The following SEL1L variants were observed in gnomAD, a reference collection of about 807,000 sequenced individuals.
SEL1L encodes SEL1L adaptor subunit of SYVN1 ubiquitin ligase, also known as protein sel-1 homolog 1.
A neutral mutation model predicts 109.8 loss-of-function variants in SEL1L; 52 were observed. The observed-to-expected ratio is 0.47, with a 90% CI of 0.38 to 0.60. The LOEUF (loss-of-function observed/expected upper bound fraction) is 0.60, where lower values mean the gene tolerates loss of function less well. SEL1L is among the 20% of genes least tolerant of loss of function. The pLI, the probability that SEL1L is intolerant of heterozygous loss-of-function variation, is 0.00. For synonymous variants in SEL1L, 373 were observed against 339.6 expected (o/e 1.10, Z -1.08); for missense variants, 749 against 962.2 (o/e 0.78, Z 2.93).
intron 1 of SEL1L, among the ~76,000 whole-genome samples, chr14:81,529,748 C>T (rs1411578846): frequency 6.6e-6 from 1 of 152,184 alleles, no homozygotes; most frequent in East Asian, 1.9e-4. Context: ...AAGCCTACTC[C>T]AGATGGTAGT....
At position 81,526,995 on chromosome 14, in the gene SEL1L, C is replaced by T. The variant is rs747107385; in HGVS notation, c.109-31G>A. ...AATATAAAGTATTTTTAGTTATCAACAATGCCAAGACTTTCCCCAACCCTA... is the reference window on the plus strand; with the variant it reads ...AATATAAAGTATTTTTAGTTATCAATAATGCCAAGACTTTCCCCAACCCTA... On this transcript the variant is annotated intron_variant, in intron 2 of 20. Transcript: ENST00000336735. 12 of 1,514,842 alleles carry T rather than the reference C, an allele frequency of 7.9e-6. No homozygotes were observed. In the South Asian group the frequency reaches 1.4e-4, roughly 17 times the overall value. 93.8% of individuals were successfully genotyped at this position (1,514,842 alleles called of 1,614,324 possible). A position where few individuals can be genotyped will look rare whatever the true frequency, so the allele number is the denominator to read the frequency against.
intron 17 of SEL1L, 92 bp from the exon 18 acceptor site, chr14:81,485,838 A>G (rs1437990800): frequency 2.7e-5 from 27 of 991,154 alleles, no homozygotes; most frequent in South Asian, 2.1e-4. Flanking sequence ...TAGGTGAAGC[A>G]TAAGTTAAAC....
At chr14:81,520,153 CCATATATATGCAATTTATGT>C (rs1884852863) in intron 3 of SEL1L, among the ~76,000 whole-genome samples, 1 of 151,882 alleles carries the variant, frequency 6.6e-6, no homozygotes, top group Non-Finnish European at 1.5e-5. Context: ...GTACACAGAG[CCATATATATGCAATTTATGT>C]CATATATATG....
At chr14:81,486,597 T>G in intron 16 of SEL1L, 143 bp from the exon 17 acceptor site, 2 of 684,142 alleles carry the variant, frequency 2.9e-6, no homozygotes, top group Non-Finnish European at 4.7e-6. Flanking sequence ...CATAAAAGTT[T>G]GAGATACTTA....
intron 3 of SEL1L, among the ~76,000 whole-genome samples, chr14:81,519,848 G>A (rs1370640100): frequency 6.6e-6 from 1 of 152,194 alleles, no homozygotes; most frequent in East Asian, 1.9e-4. Flanking sequence ...TCTGTACAAA[G>A]GCCCAGGGGC....
At chr14:81,514,517 G>A (rs1388896627) in intron 3 of SEL1L, among the ~76,000 whole-genome samples, 6 of 152,208 alleles carry the variant, frequency 3.9e-5, no homozygotes, top group East Asian at 1.9e-4. Context: ...GGTCTAGGAG[G>A]ACAGACAAGA....
chr14:81,504,742 G>A (rs911263388), intron 4 of SEL1L, among the ~76,000 whole-genome samples: 2 of 151,944 alleles, frequency 1.3e-5, no homozygotes, highest in African/African-American at 4.8e-5. Context: ...TAGATCATAG[G>A]GGTGGTTTTT....
chr14:81,472,475 T>C lies in SEL1L; in HGVS notation c.*4497A>G, dbSNP rs1027815509. Reference sequence around the variant, plus strand: ...CACTTCCAATTGCACTTTGTGTACATGTTCACTCTTGATTTAATATTTTTT... The same window carrying C: ...CACTTCCAATTGCACTTTGTGTACACGTTCACTCTTGATTTAATATTTTTT... On this transcript the variant is annotated 3_prime_UTR_variant, in exon 21 of 21. Transcript: ENST00000336735. 3 of 276,456 alleles carry C rather than the reference T, an allele frequency of 1.1e-5. No individual in the cohort carries two copies. The highest frequency in any genetic ancestry group is 6.9e-5 in the African/African-American group (3 of 43,466). 17.1% of individuals were successfully genotyped at this position (276,456 alleles called of 1,614,324 possible).
At chr14:81,516,189 G>A (rs566412031) in intron 3 of SEL1L, among the ~76,000 whole-genome samples, 8 of 152,266 alleles carry the variant, frequency 5.3e-5, no homozygotes, top group South Asian at 2.1e-4. Context: ...CAGGCCAAGC[G>A]CCAGCTCACG....
intron 3 of SEL1L, among the ~76,000 whole-genome samples, chr14:81,523,180 A>C (rs975366848): frequency 6.6e-6 from 1 of 152,218 alleles, no homozygotes; most frequent in Non-Finnish European, 1.5e-5. Context: ...CTTGGTTGCC[A>C]GGGAAACCAA....
intron 6 of SEL1L, among the ~76,000 whole-genome samples, chr14:81,502,279 T>C (rs954528032): frequency 4.6e-5 from 7 of 152,296 alleles, no homozygotes; most frequent in Non-Finnish European, 7.4e-5. Flanking sequence ...GTGGTACATA[T>C]GTGATGTGTA....
At chr14:81,517,017 C>A (rs1360604003) in intron 3 of SEL1L, among the ~76,000 whole-genome samples, 4 of 152,164 alleles carry the variant, frequency 2.6e-5, no homozygotes, top group Non-Finnish European at 4.4e-5. Flanking sequence ...TTCCCTGACA[C>A]AGATGCATTA....
chr14:81,531,590 A>G (rs779089100), intron 1 of SEL1L, among the ~76,000 whole-genome samples: 21 of 151,534 alleles, frequency 1.4e-4, no homozygotes, highest in Non-Finnish European at 2.9e-4. Context: ...GTCTCGCTCT[A>G]TTGTCCAGGC....
chr14:81,523,751 T>C (rs1034173222), intron 3 of SEL1L, among the ~76,000 whole-genome samples: 1 of 152,200 alleles, frequency 6.6e-6, no homozygotes, highest in African/African-American at 2.4e-5. Context: ...AGAATTGAAT[T>C]AAATCAGCAG....
Position 81,482,281 on chromosome 14 carries a change from T to C in SEL1L, c.2046+1944A>G, listed in dbSNP as rs1429912396. 2.6e-5 allele frequency among the ~76,000 whole-genome samples: 4 copies of C among 152,220 alleles called. No individual in the cohort carries two copies. In the East Asian group the frequency reaches 5.8e-4, roughly 22 times the overall value. ...TTATAAAAACAGATTAGTTATATCA[T>C]TTTAATTTTGACTACAGTCAGTAAA... On this transcript the variant is annotated intron_variant, in intron 19 of 20. Coordinates refer to ENST00000336735, the MANE Select transcript of SEL1L (RefSeq NM_005065.6).
At chr14:81,490,325 A>C (rs1028783773) in intron 13 of SEL1L, 63 bp downstream of exon 13, 2 of 1,259,932 alleles carry the variant, frequency 1.6e-6, no homozygotes, top group African/African-American at 3.0e-5. Flanking sequence ...TAATATAACA[A>C]ATTCATTTAT....
At chr14:81,479,108 T>C (rs1311049985) in intron 20 of SEL1L, among the ~76,000 whole-genome samples, 2 of 152,206 alleles carry the variant, frequency 1.3e-5, no homozygotes, top group African/African-American at 2.4e-5. Context: ...ACTTCCTATA[T>C]AGGTTCTTCC....
chr14:81,504,851 C>A (rs142415980), intron 4 of SEL1L, among the ~76,000 whole-genome samples: 38 of 152,232 alleles, frequency 2.5e-4, no homozygotes, highest in African/African-American at 8.2e-4. Flanking sequence ...TGCTCCTCAT[C>A]ATCTCTCTCG....
Position 81,481,887 on chromosome 14 carries a change from C to T in SEL1L, c.2047-2147G>A, listed in dbSNP as rs1314168350. On this transcript the variant is annotated intron_variant, in intron 19 of 20. Transcript: ENST00000336735. ...CTCTACTAAAAATACAAAAATTAGC[C>T]GGGCGTGGTGGCAGGCGCCTGTAAT... 2.8e-4 allele frequency among the ~76,000 whole-genome samples: 43 copies of T among 151,760 alleles called. 2 individuals carry two copies. Among genetic ancestry groups the T allele is most frequent in the Admixed American group, 2.3e-3 (35 of 15,228 alleles).
Sources: allele counts gnomAD v4.1 joint callset (sites outside exome capture counted in the v4.1 genomes callset), GRCh38; gene constraint gnomAD v4.1.1; transcripts MANE v1.5; gene names NCBI Gene and HGNC (gene_info 2026-07-23, HGNC 2026-07-21).